The following PDE10A variants were observed in gnomAD, a reference collection of about 807,000 sequenced individuals.
PDE10A encodes the protein phosphodiesterase 10A.
A neutral mutation model predicts 97.7 loss-of-function variants in PDE10A; 39 were observed. The ratio of observed to expected loss-of-function variants is 0.40; its 90% CI spans 0.31 to 0.52. The LOEUF (loss-of-function observed/expected upper bound fraction) is 0.52. Ranked by LOEUF, PDE10A falls within the 20% of genes least tolerant of loss-of-function variation. PDE10A has a pLI of 0.56. For synonymous variants in PDE10A, 371 were observed against 376.8 expected, an observed-to-expected ratio of 0.98 and a Z score of 0.18; for missense variants, 731 against 1,047.8, an observed-to-expected ratio of 0.70 and a Z score of 4.17.
chr6:165,736,714 A>C (rs1792584183), intron 1 of PDE10A, among the ~76,000 whole-genome samples: 1 of 152,268 alleles, frequency 6.6e-6, no homozygotes, highest in Non-Finnish European at 1.5e-5. Flanking sequence ...GAAATACTTC[A>C]GATAAATAAC....
intron 1 of PDE10A, among the ~76,000 whole-genome samples, chr6:165,724,610 GC>G (rs1413580245): frequency 6.6e-6 from 1 of 152,116 alleles, no homozygotes; most frequent in Non-Finnish European, 1.5e-5. Context: ...CTTTTATCAG[GC>G]CTACCAGGCC....
chr6:165,987,447 AC>A (rs1785257018), intron 1 of PDE10A: 10 of 330,904 alleles, frequency 3.0e-5, no homozygotes, highest in South Asian at 2.4e-4. Context: ...TTTTAAGTAC[AC>A]GCACACACAC....
At chr6:165,546,385 T>C (rs1344230670) in intron 1 of PDE10A, among the ~76,000 whole-genome samples, 1 of 152,080 alleles carries the variant, frequency 6.6e-6, no homozygotes, top group Admixed American at 6.5e-5. Context: ...TAGAACTTTA[T>C]AGCACAAAGA....
exon 1 of PDE10A, chr6:165,987,696 C>A (rs149064961): frequency 0.015 from 6,875 of 456,778 alleles, 79 homozygotes; most frequent in Non-Finnish European, 0.024. Context: ...CCAAGAAAGC[C>A]CGCTGGCCAA....
intron 18 of PDE10A, among the ~76,000 whole-genome samples, chr6:165,356,681 AC>A (rs1294636166): frequency 6.6e-6 from 1 of 152,176 alleles, no homozygotes; most frequent in Non-Finnish European, 1.5e-5. Flanking sequence ...CTCTCATCCA[AC>A]TAAAACTGGT....
At chr6:165,552,082 C>G (rs906530677) in intron 1 of PDE10A, among the ~76,000 whole-genome samples, 1 of 152,136 alleles carries the variant, frequency 6.6e-6, no homozygotes, top group Non-Finnish European at 1.5e-5. Flanking sequence ...CTGGAGCTAC[C>G]TTCACTAGCC....
Position 165,851,558 on chromosome 6 carries a change from C to T in PDE10A, c.-615+135971G>A, listed in dbSNP as rs140934846. Among the ~76,000 whole-genome samples, 15 of 152,308 alleles carry T rather than the reference C, an allele frequency of 9.8e-5. No homozygotes were observed. The East Asian group carries it at 2.1e-3, about 22-fold the overall frequency. ...CTTTACTGTCTAGTTATCCCTCAGT[C>T]GTTCCAGTACGAGGTGGGCTATTGT... is the stretch of plus-strand genomic sequence containing the variant. On this transcript the variant is annotated intron_variant, in intron 1 of 19. Transcript: ENST00000366882.
At chr6:165,614,294 C>T (rs1787627018) in intron 1 of PDE10A, among the ~76,000 whole-genome samples, 3 of 152,152 alleles carry the variant, frequency 2.0e-5, no homozygotes, top group Admixed American at 2.0e-4. Context: ...CAATCCTCAC[C>T]ATTTTTGGAT....
chr6:165,377,745 T>C (rs898371424), intron 18 of PDE10A, among the ~76,000 whole-genome samples: 1 of 152,056 alleles, frequency 6.6e-6, no homozygotes, highest in Non-Finnish European at 1.5e-5. Context: ...AAAAAAAAAC[T>C]GAACAAACAC....
At chr6:165,820,281 A>C (rs539656576) in intron 1 of PDE10A, among the ~76,000 whole-genome samples, 1 of 152,248 alleles carries the variant, frequency 6.6e-6, no homozygotes, top group Non-Finnish European at 1.5e-5. Context: ...TCATATTTCA[A>C]AAATCTCCTG....
chr6:165,588,256 G>C (rs1786032990), intron 1 of PDE10A, among the ~76,000 whole-genome samples: 1 of 150,920 alleles, frequency 6.6e-6, no homozygotes, highest in African/African-American at 2.4e-5. Flanking sequence ...TGGAGAGTGA[G>C]GGAAATAAAG....
intron 18 of PDE10A, among the ~76,000 whole-genome samples, chr6:165,376,448 T>A (rs1784607166): frequency 6.6e-6 from 1 of 152,244 alleles, no homozygotes; most frequent in Admixed American, 6.5e-5. Context: ...GAATATTCCA[T>A]AAACTTGTTT....
At chr6:165,420,521 AATT>A in intron 10 of PDE10A, among the ~76,000 whole-genome samples, 1 of 152,330 alleles carries the variant, frequency 6.6e-6, no homozygotes, top group South Asian at 2.1e-4. Flanking sequence ...TGAGATTTTA[AATT>A]ATTAAGTAAC....
At chr6:165,523,728 GT>G (rs2128309857) in intron 2 of PDE10A, among the ~76,000 whole-genome samples, 1 of 152,256 alleles carries the variant, frequency 6.6e-6, no homozygotes, top group Admixed American at 6.5e-5. Context: ...TTATGACTCA[GT>G]TTTCAAAAGT....
rs1234696995 is a variant in PDE10A, at chr6:165,329,622, C to T, written c.*3403G>A. On this transcript the variant is annotated 3_prime_UTR_variant, in exon 22 of 22. Coordinates refer to ENST00000539869, the MANE Select transcript of PDE10A (RefSeq NM_001385079.1). Reference sequence around the variant, plus strand: ...ATCCTGTACAATACAGGATTTGTCTCGCATACACAAATATACCAATAAAGA... The same window carrying T: ...ATCCTGTACAATACAGGATTTGTCTTGCATACACAAATATACCAATAAAGA... 2.0e-5 allele frequency: 3 copies of T among 151,816 alleles called. No homozygotes were observed. The highest frequency in any genetic ancestry group is 2.4e-5 in the African/African-American group (1 of 41,274). The allele number at this position is 151,816 out of a possible 1,614,324, so 9.4% of individuals were successfully genotyped here.
intron 1 of PDE10A, among the ~76,000 whole-genome samples, chr6:165,913,231 C>T (rs1782510979): frequency 6.6e-6 from 1 of 151,700 alleles, no homozygotes; most frequent in Admixed American, 6.6e-5. Context: ...AAATCCTAGA[C>T]ACTTCTGGTC....
At position 165,327,664 on chromosome 6, in the gene PDE10A, CTT is replaced by C. The variant is rs1486828054; in HGVS notation, c.*5359_*5360del. 1.3e-5 allele frequency: 2 copies of C among 152,166 alleles called. No homozygotes were observed. Among genetic ancestry groups the C allele is most frequent in the Non-Finnish European group, 2.9e-5 (2 of 68,018 alleles). The allele number at this position is 152,166 out of a possible 1,614,324, so 9.4% of individuals were successfully genotyped here. A position where few individuals can be genotyped will look rare whatever the true frequency, so the allele number is the denominator to read the frequency against. ...ATTTATAAATGCAAAGTTAAGACCT[CTT>C]TAAATTATTGCACTTGCGCATTTTA... On this transcript the variant is annotated 3_prime_UTR_variant, in exon 22 of 22. Transcript: ENST00000539869.
At chr6:165,371,726 A>G (rs1411134432) in intron 18 of PDE10A, among the ~76,000 whole-genome samples, 2 of 152,046 alleles carry the variant, frequency 1.3e-5, no homozygotes, top group East Asian at 3.9e-4. Context: ...AACTCATTTT[A>G]TGAGGCCAGC....
intron 10 of PDE10A, among the ~76,000 whole-genome samples, chr6:165,421,895 C>G (rs1329146064): frequency 1.3e-5 from 2 of 152,066 alleles, no homozygotes; most frequent in Non-Finnish European, 2.9e-5. Flanking sequence ...AACCCTGTCT[C>G]TACTAAAAAT....
Sources: gnomAD v4.1 joint callset for allele counts (sites outside exome capture counted in the v4.1 genomes callset) on GRCh38, gnomAD v4.1.1 for gene constraint, MANE v1.5 for transcripts, NCBI Gene and HGNC (gene_info 2026-07-23, HGNC 2026-07-21) for gene names.